PAPOLA: variants seen among roughly 807,000 people sequenced by gnomAD.
PAPOLA encodes poly(A) polymerase alpha, also known as polynucleotide adenylyltransferase alpha.
PAPOLA carries 15 observed loss-of-function variants against 100.6 expected under a neutral mutation model. That is an observed-to-expected ratio of 0.15 (90% CI 0.10 to 0.23). The LOEUF (loss-of-function observed/expected upper bound fraction) is 0.23. Among genes scored for constraint, PAPOLA ranks in the 10% least tolerant of loss-of-function variants. The probability of loss-of-function intolerance (pLI) is 1.00; values close to 1 mark genes in which losing one functional copy is unlikely to be tolerated. For synonymous variants in PAPOLA, 293 were observed against 300.0 expected (o/e 0.98, Z 0.24); for missense variants, 533 against 884.2 (o/e 0.60, Z 5.04).
chr14:96,542,208 A>G (rs979169957), intron 12 of PAPOLA, 35 bp from the exon 13 acceptor site: 7 of 1,363,836 alleles, frequency 5.1e-6, no homozygotes, highest in African/African-American at 4.3e-5. Context: ...AAGCGTGTAA[A>G]TAAAATAAAT....
In PAPOLA at chr14:96,566,185, T is replaced by C. The variant is rs1902256354; in HGVS notation, c.*1135T>C. The C allele has an allele frequency of 2.9e-6, 1 of 349,652 alleles. No homozygotes were observed. Among genetic ancestry groups the C allele is most frequent in the African/African-American group, 2.1e-5 (1 of 47,688 alleles). 21.7% of individuals were successfully genotyped at this position (349,652 alleles called of 1,614,324 possible). ...GGCATTTTCTCCAAGATTTTAAAACTAATTCTTATTTTTAAATGGTTTACC... is the reference window on the plus strand; with the variant it reads ...GGCATTTTCTCCAAGATTTTAAAACCAATTCTTATTTTTAAATGGTTTACC... On this transcript the variant is annotated 3_prime_UTR_variant, in exon 22 of 22. Transcript: ENST00000216277.
intron 15 of PAPOLA, among the ~76,000 whole-genome samples, chr14:96,546,686 G>A (rs1384639606): frequency 1.3e-5 from 2 of 152,104 alleles, no homozygotes; most frequent in South Asian, 2.1e-4. Flanking sequence ...AAAAGGTAAA[G>A]ACCATATAGC....
At chr14:96,554,131 A>G (rs4601967) in intron 17 of PAPOLA, among the ~76,000 whole-genome samples, 2,331 of 152,272 alleles carry the variant, frequency 0.015, 59 homozygotes, top group African/African-American at 0.053. Context: ...TAATTTCACA[A>G]ATTTAGTTTT....
At chr14:96,561,173 C>T (rs928085378) in intron 20 of PAPOLA, among the ~76,000 whole-genome samples, 12 of 151,960 alleles carry the variant, frequency 7.9e-5, no homozygotes, top group Admixed American at 4.6e-4. Flanking sequence ...CAGTTTTTGG[C>T]GTAAGGTTTT....
At chr14:96,559,112 A>G (rs1901601828) in intron 19 of PAPOLA, among the ~76,000 whole-genome samples, 1 of 151,646 alleles carries the variant, frequency 6.6e-6, no homozygotes. Context: ...TTTTAAGAAG[A>G]TAAGGGGTAT....
chr14:96,515,971 A>G (rs1004904163), intron 1 of PAPOLA, among the ~76,000 whole-genome samples: 1 of 152,208 alleles, frequency 6.6e-6, no homozygotes. Context: ...GTCAGTGCAT[A>G]TGTAAGGCAG....
chr14:96,518,196 C>T (rs1218946908), intron 1 of PAPOLA, among the ~76,000 whole-genome samples: 12 of 152,078 alleles, frequency 7.9e-5, no homozygotes, highest in Admixed American at 6.6e-4. Flanking sequence ...GTAACTAGAC[C>T]AGGCAACAGT....
At chr14:96,558,057 G>C (rs1901512844) in intron 19 of PAPOLA, among the ~76,000 whole-genome samples, 1 of 152,140 alleles carries the variant, frequency 6.6e-6, no homozygotes, top group Non-Finnish European at 1.5e-5. Context: ...TAACTTAGAA[G>C]ATGTGTTCTG....
chr14:96,555,479 T>C (rs953397723), intron 17 of PAPOLA, among the ~76,000 whole-genome samples: 3 of 152,100 alleles, frequency 2.0e-5, no homozygotes, highest in Non-Finnish European at 2.9e-5. Flanking sequence ...TCTGGCGATA[T>C]AGTAGCCAGC....
At chr14:96,512,777 T>C (rs1897190339) in intron 1 of PAPOLA, among the ~76,000 whole-genome samples, 1 of 152,264 alleles carries the variant, frequency 6.6e-6, no homozygotes, top group South Asian at 2.1e-4. Flanking sequence ...GTTTCCAGTT[T>C]TACTTCATTG....
intron 1 of PAPOLA, among the ~76,000 whole-genome samples, chr14:96,516,378 C>T (rs1269140427): frequency 6.6e-6 from 1 of 150,748 alleles, no homozygotes; most frequent in East Asian, 2.0e-4. Flanking sequence ...CTCTCCCTCT[C>T]TTTCTTCCTT....
intron 17 of PAPOLA, among the ~76,000 whole-genome samples, chr14:96,554,413 A>G (rs1022615549): frequency 6.6e-6 from 1 of 152,218 alleles, no homozygotes; most frequent in Non-Finnish European, 1.5e-5. Context: ...GAGTGGTAAC[A>G]CCTGCTCTGT....
Position 96,531,461 on chromosome 14 carries a change from T to C in PAPOLA, c.496-14T>C, listed in dbSNP as rs748216435. The C allele has an allele frequency of 1.9e-6, 3 of 1,579,092 alleles. No individual in the cohort carries two copies. Among genetic ancestry groups the C allele is most frequent in the South Asian group, 1.2e-5 (1 of 86,480 alleles). ...GTTTGACAGATATGGAATGTTGTTT[T>C]GTTTGTGTTTCAGATTGATATTTTG... On this transcript the variant is annotated splice_polypyrimidine_tract_variant and intron_variant, in intron 6 of 21. Coordinates refer to ENST00000216277, the MANE Select transcript of PAPOLA (RefSeq NM_032632.5).
At chr14:96,542,434 G>T in intron 13 of PAPOLA, 138 bp downstream of exon 13, 1 of 602,782 alleles carries the variant, frequency 1.7e-6, no homozygotes, top group Non-Finnish European at 2.9e-6. Flanking sequence ...GCTTTACTGT[G>T]TGTAGTGGAA....
chr14:96,535,314 G>T, intron 10 of PAPOLA: 1 of 984,734 alleles, frequency 1.0e-6, no homozygotes, highest in South Asian at 4.7e-5. Flanking sequence ...TTTAGAGGAT[G>T]TGAATTTACA....
At chr14:96,532,307 T>TGTG (rs773525981) in intron 7 of PAPOLA, 24 bp from the exon 8 acceptor site, 1 of 1,533,354 alleles carries the variant, frequency 6.5e-7, no homozygotes, top group African/African-American at 1.5e-5. Flanking sequence ...TGTGTGTGTG[T>TGTG]TTTTTTTTAC....
At chr14:96,543,927 TAGTAAG>T (rs1900187072) in intron 14 of PAPOLA, among the ~76,000 whole-genome samples, 2 of 152,134 alleles carry the variant, frequency 1.3e-5, no homozygotes, top group African/African-American at 2.4e-5. Context: ...AATGCACAGT[TAGTAAG>T]AGTATATTTC....
intron 1 of PAPOLA, among the ~76,000 whole-genome samples, chr14:96,511,782 G>A (rs1897125587): frequency 2.0e-5 from 3 of 152,174 alleles, no homozygotes; most frequent in Admixed American, 6.5e-5. Flanking sequence ...AAAGGTAGAT[G>A]AGAAAAAAGT....
intron 1 of PAPOLA, among the ~76,000 whole-genome samples, 175 bp from the exon 2 acceptor site, chr14:96,519,880 G>T (rs1246194651): frequency 6.6e-6 from 1 of 152,160 alleles, no homozygotes; most frequent in African/African-American, 2.4e-5. Flanking sequence ...CTTGGGGCAG[G>T]ATTTTCTCTT....
Sources: gnomAD v4.1 joint callset for allele counts (sites outside exome capture counted in the v4.1 genomes callset) on GRCh38, gnomAD v4.1.1 for gene constraint, MANE v1.5 for transcripts, NCBI Gene and HGNC (gene_info 2026-07-23, HGNC 2026-07-21) for gene names.